TNRC6C: variants seen among roughly 807,000 people sequenced by gnomAD.
The protein encoded by TNRC6C is trinucleotide repeat-containing gene 6C protein.
TNRC6C carries 20 observed loss-of-function variants against 153.7 expected under a neutral mutation model. The observed-to-expected ratio is 0.13, with a 90% CI of 0.09 to 0.19. The LOEUF (loss-of-function observed/expected upper bound fraction) is 0.19, where lower values mean the gene tolerates loss of function less well. Among genes scored for constraint, TNRC6C ranks in the 10% least tolerant of loss-of-function variants. The probability of loss-of-function intolerance (pLI) is 1.00; values close to 1 mark genes in which losing one functional copy is unlikely to be tolerated. For missense variants in TNRC6C, 1,987 were observed against 2,172.0 expected (o/e 0.91, Z 1.69); for synonymous variants, 811 against 841.4 (o/e 0.96, Z 0.63).
At position 77,988,310 on chromosome 17, in the gene TNRC6C, T is replaced by C. The variant is rs539976914; in HGVS notation, c.-37-15860T>C. ...GGGAGAGTCACTTGAGCCCAGGAGG[T>C]CGAGTGAACTCTGATAGCACCACTG... On this transcript the variant is annotated intron_variant, in intron 1 of 22. Coordinates refer to the TNRC6C transcript ENST00000636222. Among the ~76,000 whole-genome samples, 6 of 152,138 alleles carry C rather than the reference T, an allele frequency of 3.9e-5. No homozygotes were observed. In the East Asian group the frequency reaches 1.2e-3, roughly 29 times the overall value.
In TNRC6C at chr17:78,075,547, G is replaced by A. The variant is rs1460835399; in HGVS notation, c.3060+269G>A. Among the ~76,000 whole-genome samples, 3 of 152,164 alleles carry A rather than the reference G, an allele frequency of 2.0e-5. No individual in the cohort carries two copies. The highest frequency in any genetic ancestry group is 2.0e-4 in the Admixed American group (3 of 15,280). On this transcript the variant is annotated intron_variant, in intron 8 of 19. Transcript: ENST00000301624. This position sits in a 1 kb window ranked among gnomAD's most constrained non-coding sequence, Gnocchi z 4.2. ...CTTGGCTGGTTATCTGCTTCAATTTGTCCAATGGGCAAGGGTCATCAAATT... is the reference window on the plus strand; with the variant it reads ...CTTGGCTGGTTATCTGCTTCAATTTATCCAATGGGCAAGGGTCATCAAATT...
At chr17:77,964,611 A>T (rs374095100) in intron 1 of TNRC6C, among the ~76,000 whole-genome samples, 7 of 152,208 alleles carry the variant, frequency 4.6e-5, no homozygotes, top group African/African-American at 1.7e-4. Context: ...TTACTCTTTT[A>T]GGAAGCAGGG....
At position 78,038,658 on chromosome 17, in the gene TNRC6C, G is replaced by A. The variant is rs552038270; in HGVS notation, c.-219+6816G>A. On this transcript the variant is annotated intron_variant, in intron 2 of 19. Coordinates refer to ENST00000301624, the Ensembl canonical transcript of TNRC6C. ...GGTGCCACTGCACTCCAGCCTGGGCGACAGAGCGAGACTCCGTGTCAAAAA... is the reference window on the plus strand; with the variant it reads ...GGTGCCACTGCACTCCAGCCTGGGCAACAGAGCGAGACTCCGTGTCAAAAA... Among the ~76,000 whole-genome samples, 154 of 143,394 alleles carry A rather than the reference G, an allele frequency of 1.1e-3. 1 individual carries two copies. Among genetic ancestry groups the A allele is most frequent in the African/African-American group, 3.8e-3 (148 of 38,498 alleles). 94.1% of individuals were successfully genotyped at this position (143,394 alleles called of 152,430 possible).
chr17:77,993,613 C>G (rs1402698434), intron 1 of TNRC6C, among the ~76,000 whole-genome samples: 1 of 152,106 alleles, frequency 6.6e-6, no homozygotes, highest in African/African-American at 2.4e-5. Flanking sequence ...AAAGACTAAA[C>G]TTAATTAGAA....
At chr17:78,016,734 C>T (rs2071735876) in intron 1 of TNRC6C, among the ~76,000 whole-genome samples, 1 of 152,128 alleles carries the variant, frequency 6.6e-6, no homozygotes, top group Non-Finnish European at 1.5e-5. Context: ...TCTGTGGCTT[C>T]CATTGCTTCT....
intron 13 of TNRC6C, among the ~76,000 whole-genome samples, chr17:78,089,464 A>G (rs1234713666): frequency 2.0e-5 from 3 of 152,214 alleles, no homozygotes; most frequent in East Asian, 1.9e-4. Context: ...GTTGGCTCTC[A>G]GCATTTCTCT....
intron 5 of TNRC6C, among the ~76,000 whole-genome samples, chr17:78,068,451 T>C (rs927616271): frequency 6.6e-6 from 1 of 152,192 alleles, no homozygotes; most frequent in Admixed American, 6.5e-5. Flanking sequence ...GAGAGTATTA[T>C]AGGGTCCTGA....
intron 1 of TNRC6C, among the ~76,000 whole-genome samples, chr17:77,964,637 A>G (rs1422689434): frequency 1.3e-5 from 2 of 152,226 alleles, no homozygotes; most frequent in African/African-American, 2.4e-5. Flanking sequence ...CTCAGTGAAA[A>G]TAGCAACTGG....
At chr17:78,076,008 G>A (rs2073076996) in intron 8 of TNRC6C, among the ~76,000 whole-genome samples, 1 of 151,984 alleles carries the variant, frequency 6.6e-6, no homozygotes, top group Non-Finnish European at 1.5e-5. Flanking sequence ...CCTGAGGTCA[G>A]GAGATCGAGA....
At chr17:77,985,259 A>T (rs1267065304) in intron 1 of TNRC6C, among the ~76,000 whole-genome samples, 1 of 152,046 alleles carries the variant, frequency 6.6e-6, no homozygotes, top group Non-Finnish European at 1.5e-5. Context: ...CTCAATTCCT[A>T]GGCTACCCAT....
chr17:78,101,824 T>C (rs895948224), intron 17 of TNRC6C, among the ~76,000 whole-genome samples: 5 of 152,238 alleles, frequency 3.3e-5, no homozygotes, highest in Non-Finnish European at 7.3e-5. Context: ...TGGGTGGGCC[T>C]GGTGTTCCTT....
chr17:78,082,296 C>T (rs1274983416), intron 10 of TNRC6C, among the ~76,000 whole-genome samples: 2 of 151,474 alleles, frequency 1.3e-5, no homozygotes, highest in African/African-American at 4.9e-5. Context: ...GATTTAGGGT[C>T]GTTTGATTAT....
At chr17:78,030,171 A>G (rs2072036818) in intron 1 of TNRC6C, among the ~76,000 whole-genome samples, 1 of 151,608 alleles carries the variant, frequency 6.6e-6, no homozygotes, top group South Asian at 2.1e-4. Context: ...GTTTTTGGAG[A>G]CGGAGTCTCG....
At chr17:78,018,891 A>C (rs1481589407) in intron 1 of TNRC6C, among the ~76,000 whole-genome samples, 1 of 152,120 alleles carries the variant, frequency 6.6e-6, no homozygotes, top group Non-Finnish European at 1.5e-5. Flanking sequence ...AGTTTTAAGC[A>C]GTTACAAGAG....
At chr17:78,029,318 T>A (rs1321810713) in intron 1 of TNRC6C, among the ~76,000 whole-genome samples, 1 of 152,240 alleles carries the variant, frequency 6.6e-6, no homozygotes, top group Non-Finnish European at 1.5e-5. Context: ...TACAGGTTGC[T>A]ACTCACCTAT....
At position 78,049,107 on chromosome 17, in the gene TNRC6C, G is replaced by A. The variant is rs1022073146; in HGVS notation, c.45G>A (p.Lys15=). 4 of 1,580,138 alleles carry A rather than the reference G, an allele frequency of 2.5e-6. No individual in the cohort carries two copies. The highest frequency in any genetic ancestry group is 3.4e-6 in the Non-Finnish European group (4 of 1,162,448). Reference sequence around the variant, plus strand: ...AGGGCAACTTCACTGGACATACCAAGAAGACAAATGGCAATAATGGCACCA... The same window carrying A: ...AGGGCAACTTCACTGGACATACCAAAAAGACAAATGGCAATAATGGCACCA... The change falls in exon 3 of 20, where the codon AAG becomes AAA. Residue 15 remains lysine, a synonymous_variant. Transcript: ENST00000301624. This position sits in a 1 kb window ranked among gnomAD's most constrained non-coding sequence, Gnocchi z 4.1.
At chr17:78,087,182 T>A in intron 13 of TNRC6C, 89 bp downstream of exon 15, 1 of 1,539,212 alleles carries the variant, frequency 6.5e-7, no homozygotes, top group Non-Finnish European at 8.7e-7. Flanking sequence ...TTTCAGTGGT[T>A]AGGAGGACTG....
intron 1 of TNRC6C, among the ~76,000 whole-genome samples, chr17:77,968,319 A>G (rs181678560): frequency 3.1e-4 from 47 of 152,010 alleles, no homozygotes; most frequent in African/African-American, 1.1e-3. Flanking sequence ...GGCGTCAGCC[A>G]CCGCGCCTGG....
intron 3 of TNRC6C, among the ~76,000 whole-genome samples, chr17:78,052,124 A>G (rs2072549515): frequency 6.6e-6 from 1 of 152,212 alleles, no homozygotes; most frequent in Admixed American, 6.5e-5. Flanking sequence ...AGCAGGAAAG[A>G]GCGCTGCACA....
Sources: allele counts gnomAD v4.1 joint callset (sites outside exome capture counted in the v4.1 genomes callset), GRCh38; gene constraint gnomAD v4.1.1; non-coding constraint Gnocchi (gnomAD v3.1); transcripts MANE v1.5; gene names NCBI Gene and HGNC (gene_info 2026-07-23, HGNC 2026-07-21).